The following ERICH1 variants were observed in gnomAD, a reference collection of about 807,000 sequenced individuals.
The protein encoded by ERICH1 is glutamate-rich protein 1.
In ERICH1, 56 loss-of-function variants were observed where a neutral mutation model predicts 39.6. The observed-to-expected ratio is 1.41, with a 90% CI of 1.14 to 1.77. ERICH1 has a LOEUF of 1.77. ERICH1 is among the 40% of genes most tolerant of loss of function. The pLI is 0.00. For synonymous variants in ERICH1, 313 were observed against 223.6 expected, an observed-to-expected ratio of 1.40 and a Z score of -3.57; for missense variants, 826 against 575.4, an observed-to-expected ratio of 1.44 and a Z score of -4.45.
intron 3 of ERICH1, among the ~76,000 whole-genome samples, chr8:655,918 G>A (rs908778124): frequency 2.6e-5 from 4 of 152,040 alleles, no homozygotes; most frequent in Non-Finnish European, 4.4e-5. Flanking sequence ...CATCCACTAT[G>A]CTGTTCTCGC....
At chr8:670,817 G>A (rs1803132302) in intron 4 of ERICH1, among the ~76,000 whole-genome samples, 1 of 152,048 alleles carries the variant, frequency 6.6e-6, no homozygotes, top group South Asian at 2.1e-4. Context: ...TGAGCTTACT[G>A]GTCCCCAGGC....
chr8:633,503 T>G (rs1478390319), intron 3 of ERICH1, among the ~76,000 whole-genome samples: 2 of 152,106 alleles, frequency 1.3e-5, no homozygotes, highest in African/African-American at 4.8e-5. Context: ...CCTGGGAGAA[T>G]CTCAAGGATA....
chr8:699,587 C>G (rs1404328781), intron 2 of ERICH1, among the ~76,000 whole-genome samples: 1 of 94,228 alleles, frequency 1.1e-5, no homozygotes, highest in Non-Finnish European at 3.0e-5. Flanking sequence ...GCTTCATTTC[C>G]CTCCTATTTT....
At chr8:696,924 T>C (rs1409591970) in intron 2 of ERICH1, among the ~76,000 whole-genome samples, 4 of 134,112 alleles carry the variant, frequency 3.0e-5, no homozygotes, top group Middle Eastern at 4.2e-3. Flanking sequence ...CATCAGCCTG[T>C]ACTCGCTTCT....
chr8:629,772 G>A (rs1341438067), intron 3 of ERICH1, among the ~76,000 whole-genome samples: 2 of 134,288 alleles, frequency 1.5e-5, no homozygotes, highest in African/African-American at 6.3e-5. Flanking sequence ...ACCCTCCTGT[G>A]AGCACCCACA....
intron 2 of ERICH1, among the ~76,000 whole-genome samples, chr8:708,681 G>GTTTTTTGGTTTTTTTTTTTTTT: frequency 1.5e-5 from 1 of 65,816 alleles, no homozygotes; most frequent in East Asian, 4.3e-4. Flanking sequence ...GGGATAATGA[G>GTTTTTTGGTTTTTTTTTTTTTT]TTTTTTTTTT....
At chr8:721,480 C>T (rs1042368387) in intron 1 of ERICH1, among the ~76,000 whole-genome samples, 2 of 152,204 alleles carry the variant, frequency 1.3e-5, no homozygotes, top group Admixed American at 6.5e-5. Context: ...TGACAAGCGC[C>T]GAGCGTGCGG....
chr8:637,285 C>G (rs1016717411), intron 3 of ERICH1, among the ~76,000 whole-genome samples: 1 of 152,212 alleles, frequency 6.6e-6, no homozygotes, highest in African/African-American at 2.4e-5. Flanking sequence ...AGCTGCTTCC[C>G]AGAGCTGCCA....
intron 4 of ERICH1, among the ~76,000 whole-genome samples, chr8:671,602 G>A (rs1213040485): frequency 5.4e-5 from 8 of 147,834 alleles, no homozygotes; most frequent in Admixed American, 4.7e-4. Flanking sequence ...TGAACCCGCT[G>A]GCCCCTGCTC....
intron 3 of ERICH1, among the ~76,000 whole-genome samples, chr8:679,596 C>G (rs1805657496): frequency 6.6e-6 from 1 of 152,212 alleles, no homozygotes; most frequent in East Asian, 1.9e-4. Context: ...TCACGAGATT[C>G]CAGTCATGTA....
intron 3 of ERICH1, among the ~76,000 whole-genome samples, chr8:635,626 C>G (rs1446242304): frequency 6.6e-6 from 1 of 152,198 alleles, no homozygotes; most frequent in East Asian, 1.9e-4. Flanking sequence ...CGGGATGTGT[C>G]CAGGGACTCC....
chr8:725,112 G>T lies in ERICH1; in HGVS notation c.22+6028C>A, dbSNP rs1426903456. 3 of 171,360 alleles carry T rather than the reference G, an allele frequency of 1.8e-5. No individual in the cohort carries two copies. The East Asian group carries it at 5.5e-4, about 32-fold the overall frequency. 10.6% of individuals were successfully genotyped at this position (171,360 alleles called of 1,614,324 possible). ...TGTCTGCTGTCCTCTCTGGCTTCTT[G>T]TCTGCTGTCCCCTCCAGCCTCCGTG... On this transcript the variant is annotated intron_variant, in intron 1 of 5. Coordinates refer to ENST00000262109, the MANE Select transcript of ERICH1 (RefSeq NM_207332.3).
downstream of ERICH1, among the ~76,000 whole-genome samples, chr8:661,713 C>T (rs989998162): frequency 6.6e-6 from 1 of 152,226 alleles, no homozygotes; most frequent in African/African-American, 2.4e-5. Context: ...GTAGAAGATG[C>T]ATTTTCCTTT....
In ERICH1 at chr8:698,223, C is replaced by CT. The variant is rs368424788; in HGVS notation, c.170-5612dup. Among the ~76,000 whole-genome samples the CT allele has an allele frequency of 3.9e-3, 336 of 86,020 alleles. 2 individuals are homozygous for CT. Among genetic ancestry groups the CT allele is most frequent in the African/African-American group, 0.01 (296 of 28,198 alleles). 56.4% of individuals were successfully genotyped at this position (86,020 alleles called of 152,430 possible). A position where few individuals can be genotyped will look rare whatever the true frequency, so the allele number is the denominator to read the frequency against. ...GGCCATCCTAAATCATATTCCTTTT[C>CT]TTTTTTTTTTTTTGAGGTGGAGTCT... On this transcript the variant is annotated intron_variant, in intron 2 of 5. Transcript: ENST00000262109.
chr8:690,657 C>A (rs1366970687), intron 3 of ERICH1, among the ~76,000 whole-genome samples: 1 of 152,252 alleles, frequency 6.6e-6, no homozygotes, highest in Non-Finnish European at 1.5e-5. Flanking sequence ...GGCGGCCGAT[C>A]CAAGTTGCTG....
chr8:668,060 A>T (rs901912074), intron 5 of ERICH1: 1 of 177,348 alleles, frequency 5.6e-6, no homozygotes, highest in Non-Finnish European at 1.2e-5. Flanking sequence ...TCTGATTTTC[A>T]GCATTTGCAG....
In ERICH1 at chr8:672,427, CAGTT is replaced by C. The variant is rs79026448; in HGVS notation, c.1063+858_1063+861del. ...GGTACTTCTGCATCTTTGTTAAAAT[CAGTT>C]ACTTACTTCCCAAATTATTACATAG... On this transcript the variant is annotated intron_variant, in intron 4 of 5. Transcript: ENST00000262109. Among the ~76,000 whole-genome samples, 123 of 152,310 alleles carry C rather than the reference CAGTT, an allele frequency of 8.1e-4. 4 individuals carry two copies. In the East Asian group the frequency reaches 0.022, roughly 28 times the overall value.
At chr8:632,008 C>T (rs1798069896) in intron 3 of ERICH1, among the ~76,000 whole-genome samples, 1 of 152,198 alleles carries the variant, frequency 6.6e-6, no homozygotes, top group South Asian at 2.1e-4. Context: ...CTGCTTAGAA[C>T]TCCCAAAGCA....
intron 3 of ERICH1, among the ~76,000 whole-genome samples, chr8:641,979 C>T (rs148015591): frequency 7.7e-4 from 117 of 152,324 alleles, no homozygotes; most frequent in African/African-American, 2.7e-3. Context: ...AGAATAGATT[C>T]GCAGCTGCCA....
Sources: gnomAD v4.1 joint callset for allele counts (sites outside exome capture counted in the v4.1 genomes callset) on GRCh38, gnomAD v4.1.1 for gene constraint, MANE v1.5 for transcripts, NCBI Gene and HGNC (gene_info 2026-07-23, HGNC 2026-07-21) for gene names.